The following RBPJ variants were observed in gnomAD, a reference collection of about 807,000 sequenced individuals.
RBPJ encodes recombining binding protein suppressor of hairless.
RBPJ carries 9 observed loss-of-function variants against 67.8 expected under a neutral mutation model. The ratio of observed to expected loss-of-function variants is 0.13; its 90% CI spans 0.08 to 0.23. The LOEUF (loss-of-function observed/expected upper bound fraction) is 0.23, where lower values mean the gene tolerates loss of function less well. Among genes scored for constraint, RBPJ ranks in the 10% least tolerant of loss-of-function variants. The pLI is 1.00. For missense variants in RBPJ, 305 were observed against 595.6 expected (o/e 0.51, Z 5.08); for synonymous variants, 198 against 203.3 (o/e 0.97, Z 0.22).
intron 5 of RBPJ, among the ~76,000 whole-genome samples, chr4:26,421,542 A>G (rs961821718): frequency 1.4e-4 from 22 of 152,118 alleles, no homozygotes; most frequent in African/African-American, 5.3e-4. Context: ...ACCTCAGGTG[A>G]TCCACCCACC....
At chr4:26,224,212 GCATTCTGTTCCGTAAGAACA>G (rs1178370765) in intron 1 of RBPJ, among the ~76,000 whole-genome samples, 4 of 151,062 alleles carry the variant, frequency 2.6e-5, no homozygotes, top group Non-Finnish European at 4.4e-5. Flanking sequence ...CTCCCATTGT[GCATTCTGTTCCGTAAGAACA>G]CAAGATTCTT....
intron 1 of RBPJ, among the ~76,000 whole-genome samples, chr4:26,312,366 C>T (rs766486578): frequency 1.3e-5 from 2 of 152,100 alleles, no homozygotes; most frequent in African/African-American, 4.8e-5. Context: ...CTCCTGACCT[C>T]GTGATCCGCC....
chr4:26,222,065 G>C (rs967216381), intron 1 of RBPJ, among the ~76,000 whole-genome samples: 3 of 152,232 alleles, frequency 2.0e-5, no homozygotes, highest in Non-Finnish European at 4.4e-5. Context: ...CCTAGAGTGT[G>C]TGATCTGCAA....
chr4:26,186,177 C>T (rs370714105), intron 1 of RBPJ, among the ~76,000 whole-genome samples: 2 of 144,386 alleles, frequency 1.4e-5, no homozygotes, highest in African/African-American at 5.2e-5. Flanking sequence ...CTTCTTTCTG[C>T]TCCCCCCTTT....
the RBPJ span, among the ~76,000 whole-genome samples, chr4:26,155,681 C>T: frequency 6.6e-6 from 1 of 152,102 alleles, no homozygotes; most frequent in Non-Finnish European, 1.5e-5. Flanking sequence ...GTGATCTGCC[C>T]ACCTCAGCCT....
chr4:26,143,342 GT>G, the RBPJ span, among the ~76,000 whole-genome samples: 1 of 152,256 alleles, frequency 6.6e-6, no homozygotes, highest in South Asian at 2.1e-4. Flanking sequence ...TAACAGGTAA[GT>G]TGTATCACGT....
chr4:26,400,820 C>G (rs1732699198), intron 2 of RBPJ, among the ~76,000 whole-genome samples: 1 of 152,170 alleles, frequency 6.6e-6, no homozygotes, highest in African/African-American at 2.4e-5. Context: ...ACTGTGAGGT[C>G]TTTGAACTGT....
intron 2 of RBPJ, among the ~76,000 whole-genome samples, chr4:26,389,021 A>T (rs1261504565): frequency 1.3e-5 from 2 of 152,112 alleles, no homozygotes; most frequent in African/African-American, 4.8e-5. Flanking sequence ...TAGGAGTTCA[A>T]GATCAGCATG....
Position 26,415,740 on chromosome 4 carries a change from A to G in RBPJ, c.321+100A>G, listed in dbSNP as rs966393716. 25 of 1,127,994 alleles carry G rather than the reference A, an allele frequency of 2.2e-5. No individual in the cohort carries two copies. The Middle Eastern group carries it at 1.2e-3, about 56-fold the overall frequency. The allele number at this position is 1,127,994 out of a possible 1,614,324, so 69.9% of individuals were successfully genotyped here. A position where few individuals can be genotyped will look rare whatever the true frequency, so the allele number is the denominator to read the frequency against. On this transcript the variant is annotated intron_variant, in intron 4 of 10. Coordinates refer to ENST00000355476, the MANE Select transcript of RBPJ (RefSeq NM_015874.6). The stretch of plus-strand genomic sequence containing the variant: ...GTGGAGATTTTTTTCTTTAATAACT[A>G]TTGGTAACAATTTCTTGAATATATA...
the RBPJ span, among the ~76,000 whole-genome samples, chr4:26,107,633 C>T: frequency 1.3e-5 from 2 of 152,228 alleles, no homozygotes; most frequent in Non-Finnish European, 2.9e-5. Context: ...TGTGGGGGCT[C>T]ACAACTGTAA....
At chr4:26,214,046 A>G (rs1473265355) in intron 1 of RBPJ, among the ~76,000 whole-genome samples, 3 of 152,022 alleles carry the variant, frequency 2.0e-5, no homozygotes, top group Non-Finnish European at 4.4e-5. Flanking sequence ...GCATTCTGGG[A>G]AGCCGAGGTG....
chr4:26,381,149 G>A (rs1194061825), intron 1 of RBPJ, among the ~76,000 whole-genome samples: 1 of 149,488 alleles, frequency 6.7e-6, no homozygotes, highest in Non-Finnish European at 1.5e-5. Context: ...GCATCTGTTA[G>A]CCAGAAAAGG....
At chr4:26,353,609 C>CTT (rs5856939) in intron 1 of RBPJ, among the ~76,000 whole-genome samples, 56 of 127,710 alleles carry the variant, frequency 4.4e-4, no homozygotes, top group African/African-American at 1.5e-3. Context: ...TCACAGTATT[C>CTT]TTTTTTTTTT....
chr4:26,361,982 G>C (rs747801359), intron 1 of RBPJ, among the ~76,000 whole-genome samples: 5 of 152,144 alleles, frequency 3.3e-5, no homozygotes, highest in Non-Finnish European at 7.3e-5. Flanking sequence ...GCTGTTTTCA[G>C]TTTAATGACG....
At chr4:26,236,821 C>T (rs529804553) in intron 1 of RBPJ, among the ~76,000 whole-genome samples, 4 of 152,300 alleles carry the variant, frequency 2.6e-5, no homozygotes, top group East Asian at 3.9e-4. Context: ...TGTTAAGCCC[C>T]GTACATTGTA....
chr4:26,130,018 C>A, the RBPJ span, among the ~76,000 whole-genome samples: 4 of 152,016 alleles, frequency 2.6e-5, no homozygotes, highest in Non-Finnish European at 4.4e-5. Flanking sequence ...TGCACCACCA[C>A]GCCCAGCTAA....
At chr4:26,128,631 A>G in the RBPJ span, among the ~76,000 whole-genome samples, 2 of 152,336 alleles carry the variant, frequency 1.3e-5, no homozygotes, top group East Asian at 3.9e-4. Flanking sequence ...TATACAATAT[A>G]CACTATTCCA....
chr4:26,263,568 A>G (rs1720612116), intron 1 of RBPJ, among the ~76,000 whole-genome samples: 1 of 152,064 alleles, frequency 6.6e-6, no homozygotes, highest in Admixed American at 6.6e-5. Flanking sequence ...GGACATGTGC[A>G]TGTTTTTTGG....
intron 1 of RBPJ, among the ~76,000 whole-genome samples, chr4:26,279,581 G>C (rs1159153992): frequency 6.6e-6 from 1 of 152,030 alleles, no homozygotes; most frequent in Non-Finnish European, 1.5e-5. Flanking sequence ...CGGCCTGTTT[G>C]ATATTTTCAA....
Sources: allele counts gnomAD v4.1 joint callset (sites outside exome capture counted in the v4.1 genomes callset), GRCh38; gene constraint gnomAD v4.1.1; transcripts MANE v1.5; gene names NCBI Gene and HGNC (gene_info 2026-07-23, HGNC 2026-07-21).